POU6F2: variants seen among roughly 807,000 people sequenced by gnomAD.
POU6F2 encodes POU class 6 homeobox 2.
POU6F2 carries 31 observed loss-of-function variants against 71.3 expected under a neutral mutation model. That is an observed-to-expected ratio of 0.43 (90% CI 0.33 to 0.59). The LOEUF (loss-of-function observed/expected upper bound fraction) is 0.59, where lower values mean the gene tolerates loss of function less well. Ranked by LOEUF, POU6F2 falls within the 20% of genes least tolerant of loss-of-function variation. The probability of loss-of-function intolerance (pLI) is 0.04; values close to 1 mark genes in which losing one functional copy is unlikely to be tolerated. For synonymous variants in POU6F2, 347 were observed against 355.7 expected, an observed-to-expected ratio of 0.98 and a Z score of 0.27; for missense variants, 783 against 856.8, an observed-to-expected ratio of 0.91 and a Z score of 1.07.
intron 5 of POU6F2, chr7:39,406,254 A>G (rs1397488977): frequency 1.3e-5 from 3 of 224,630 alleles, no homozygotes; most frequent in African/African-American, 6.7e-5. Flanking sequence ...GAAAGCAGAT[A>G]TTTCCTGAGT....
At chr7:39,038,948 A>G (rs1790121297) in intron 1 of POU6F2, among the ~76,000 whole-genome samples, 1 of 151,966 alleles carries the variant, frequency 6.6e-6, no homozygotes, top group Non-Finnish European at 1.5e-5. Flanking sequence ...TGGGTGTTTA[A>G]TAATGAGGGA....
intron 4 of POU6F2, among the ~76,000 whole-genome samples, chr7:39,274,194 A>G (rs922860580): frequency 3.3e-5 from 5 of 152,104 alleles, no homozygotes; most frequent in Admixed American, 1.3e-4. Flanking sequence ...TCAAATAGAC[A>G]CAATAAAAAA....
intron 4 of POU6F2, 107 bp downstream of exon 4, chr7:39,207,727 G>C: frequency 3.7e-6 from 4 of 1,077,810 alleles, no homozygotes; most frequent in Non-Finnish European, 5.3e-6. Flanking sequence ...GTTCAGAGTT[G>C]CTTCTGCCCT....
chr7:39,167,389 C>T (rs1024644301), intron 2 of POU6F2, among the ~76,000 whole-genome samples: 9 of 152,088 alleles, frequency 5.9e-5, no homozygotes, highest in African/African-American at 2.2e-4. Flanking sequence ...TCATAATTTA[C>T]TTAGTTTTCT....
chr7:39,210,630 C>T (rs1794122523), intron 4 of POU6F2, among the ~76,000 whole-genome samples: 2 of 152,274 alleles, frequency 1.3e-5, no homozygotes, highest in African/African-American at 2.4e-5. Context: ...CTCTTCTCGA[C>T]TCTGACAGCG....
At chr7:39,416,825 A>C (rs540557414) in intron 6 of POU6F2, among the ~76,000 whole-genome samples, 2 of 152,328 alleles carry the variant, frequency 1.3e-5, no homozygotes, top group East Asian at 3.9e-4. Flanking sequence ...AAAAAAAAAA[A>C]AGAAGTTATC....
At chr7:39,387,591 C>T (rs1284734913) in intron 5 of POU6F2, among the ~76,000 whole-genome samples, 2 of 152,170 alleles carry the variant, frequency 1.3e-5, no homozygotes, top group African/African-American at 4.8e-5. Flanking sequence ...CCACATGAAC[C>T]TCCACAATTC....
At chr7:39,413,749 G>C (rs1215621989) in intron 6 of POU6F2, among the ~76,000 whole-genome samples, 3 of 152,076 alleles carry the variant, frequency 2.0e-5, no homozygotes, top group Non-Finnish European at 4.4e-5. Context: ...CATGGGATTA[G>C]TAACATTATA....
At position 39,010,735 on chromosome 7, in the gene POU6F2, G is replaced by A. The variant is rs538768072; in HGVS notation, c.105+32677G>A. On this transcript the variant is annotated intron_variant, in intron 1 of 9. Coordinates refer to ENST00000518318, the MANE Select transcript of POU6F2 (RefSeq NM_001370959.1). ...TCTGGTATGTTGTGTCTTTGTTCTC[G>A]TTGGTTTCAAAGAACATCTTTATTT... Among the ~76,000 whole-genome samples the A allele has an allele frequency of 1.5e-4, 21 of 138,038 alleles. No individual in the cohort carries two copies. The South Asian group carries it at 2.1e-3, about 14-fold the overall frequency. The allele number at this position is 138,038 out of a possible 152,430, so 90.6% of individuals were successfully genotyped here. A position where few individuals can be genotyped will look rare whatever the true frequency, so the allele number is the denominator to read the frequency against.
In POU6F2 at chr7:39,460,471, T is replaced by C. The variant is rs1261722472; in HGVS notation, c.1490-76T>C. Reference sequence around the variant, plus strand: ...TCTGCTGTTAAAGAGAGCCACTTTCTTATAAACCGTAATAAACAGATATTG... The same window carrying C: ...TCTGCTGTTAAAGAGAGCCACTTTCCTATAAACCGTAATAAACAGATATTG... On this transcript the variant is annotated intron_variant, in intron 8 of 9. Transcript: ENST00000518318. The surrounding 1 kb of genome is among the most constrained non-coding windows in gnomAD (Gnocchi z 4.4). 2.0e-6 allele frequency: 3 copies of C among 1,523,746 alleles called. No homozygotes were observed. Among genetic ancestry groups the C allele is most frequent in the Admixed American group, 3.9e-5 (2 of 51,910 alleles). 94.4% of individuals were successfully genotyped at this position (1,523,746 alleles called of 1,614,324 possible).
chr7:39,344,934 G>C (rs113733493), intron 5 of POU6F2, among the ~76,000 whole-genome samples: 2,585 of 152,218 alleles, frequency 0.017, 76 homozygotes, highest in African/African-American at 0.057. Flanking sequence ...AATTCTCCTA[G>C]CCAGGACTGA....
At chr7:39,290,911 G>A (rs928799861) in intron 4 of POU6F2, among the ~76,000 whole-genome samples, 1 of 151,074 alleles carries the variant, frequency 6.6e-6, no homozygotes, top group Non-Finnish European at 1.5e-5. Context: ...AAGATTAGAT[G>A]ATTGATTCAA....
rs1004748143 is a variant in POU6F2, at chr7:39,254,961, A to C, written c.598+47341A>C. ...GGTCATTTGACAGCCCAAGAAAAAC[A>C]ATACAGATTAATCTAAGAGAATGTA... On this transcript the variant is annotated intron_variant, in intron 4 of 9. Transcript: ENST00000518318. 5.9e-5 allele frequency among the ~76,000 whole-genome samples: 9 copies of C among 152,246 alleles called. No homozygotes were observed. In the East Asian group the frequency reaches 1.5e-3, roughly 26 times the overall value.
chr7:39,266,446 C>T (rs776197278), intron 4 of POU6F2, among the ~76,000 whole-genome samples: 3 of 152,176 alleles, frequency 2.0e-5, no homozygotes, highest in African/African-American at 4.8e-5. Context: ...GCAGTGTTTA[C>T]GTAGCCTTAT....
At chr7:39,366,746 A>G (rs980994725) in intron 5 of POU6F2, among the ~76,000 whole-genome samples, 1 of 152,128 alleles carries the variant, frequency 6.6e-6, no homozygotes, top group African/African-American at 2.4e-5. Context: ...CAACTTGGCT[A>G]GTGAAGGACC....
chr7:39,238,511 C>T (rs192824328), intron 4 of POU6F2, among the ~76,000 whole-genome samples: 35 of 152,302 alleles, frequency 2.3e-4, no homozygotes, highest in African/African-American at 7.9e-4. Context: ...GCTACAATGG[C>T]AGAGTTGAAT....
chr7:39,362,433 G>A (rs913497755), intron 5 of POU6F2, among the ~76,000 whole-genome samples: 10 of 152,100 alleles, frequency 6.6e-5, no homozygotes, highest in African/African-American at 2.4e-4. Context: ...AAGGTCAGAA[G>A]GACTCATGGA....
chr7:39,199,443 G>T (rs559813782), intron 2 of POU6F2, among the ~76,000 whole-genome samples: 82 of 152,330 alleles, frequency 5.4e-4, no homozygotes, highest in African/African-American at 1.9e-3. Flanking sequence ...GTAGCTAAGA[G>T]ATGCTGAGAC....
intron 2 of POU6F2, among the ~76,000 whole-genome samples, chr7:39,177,373 G>C (rs1052630251): frequency 6.6e-6 from 1 of 152,192 alleles, no homozygotes; most frequent in Non-Finnish European, 1.5e-5. Context: ...ATTCTGATGG[G>C]GCATCAGGAT....
Sources: gnomAD v4.1 joint callset for allele counts (sites outside exome capture counted in the v4.1 genomes callset) on GRCh38, gnomAD v4.1.1 for gene constraint, Gnocchi (gnomAD v3.1) non-coding constraint, MANE v1.5 for transcripts, NCBI Gene and HGNC (gene_info 2026-07-23, HGNC 2026-07-21) for gene names.